The following FSHR variants were observed in gnomAD, a reference collection of about 807,000 sequenced individuals.
FSHR encodes follicle stimulating hormone receptor, also known as follicle-stimulating hormone receptor.
A neutral mutation model predicts 52.1 loss-of-function variants in FSHR; 46 were observed. The ratio of observed to expected loss-of-function variants is 0.88; its 90% CI spans 0.70 to 1.13. The LOEUF is 1.13. FSHR is among the 50% of genes most tolerant of loss of function. The probability of loss-of-function intolerance (pLI) is 0.00; values close to 1 mark genes in which losing one functional copy is unlikely to be tolerated. For missense variants in FSHR, 964 were observed against 834.6 expected, an observed-to-expected ratio of 1.16 and a Z score of -1.91; for synonymous variants, 399 against 309.6, an observed-to-expected ratio of 1.29 and a Z score of -3.03.
chr2:48,970,473 T>G (rs1674694073), intron 8 of FSHR, among the ~76,000 whole-genome samples: 2 of 152,214 alleles, frequency 1.3e-5, no homozygotes, highest in Non-Finnish European at 2.9e-5. Context: ...CCTTGACATA[T>G]TTTCCTCTGA....
chr2:48,968,606 G>C, intron 9 of FSHR, 92 bp downstream of exon 9: 1 of 1,457,098 alleles, frequency 6.9e-7, no homozygotes, highest in South Asian at 1.2e-5. Flanking sequence ...CTCTCTGCAA[G>C]TAGATTCTCT....
At chr2:49,023,484 C>A (rs72827270) in intron 2 of FSHR, among the ~76,000 whole-genome samples, 2,606 of 152,260 alleles carry the variant, frequency 0.017, 38 homozygotes, top group Non-Finnish European at 0.026. Flanking sequence ...TGTCTAAGTC[C>A]AGCAGGTGAC....
intron 1 of FSHR, among the ~76,000 whole-genome samples, chr2:49,121,222 G>A (rs1671807354): frequency 1.3e-5 from 2 of 152,208 alleles, no homozygotes; most frequent in Admixed American, 6.5e-5. Flanking sequence ...GGGCTTCAAA[G>A]TTTGACAACT....
intron 4 of FSHR, among the ~76,000 whole-genome samples, chr2:49,011,326 T>C (rs1667263509): frequency 6.6e-6 from 1 of 152,108 alleles, no homozygotes; most frequent in Non-Finnish European, 1.5e-5. Context: ...AGTTTCCATG[T>C]AGTTGAGTGG....
intron 8 of FSHR, among the ~76,000 whole-genome samples, chr2:48,972,532 T>G (rs1229699012): frequency 1.3e-5 from 2 of 152,224 alleles, no homozygotes; most frequent in Non-Finnish European, 2.9e-5. Flanking sequence ...GAGATCTTTC[T>G]GGTTTCTCTC....
In FSHR at chr2:49,100,397, A is replaced by G. The variant is rs551303627; in HGVS notation, c.153-32107T>C. On this transcript the variant is annotated intron_variant, in intron 1 of 9. Coordinates refer to ENST00000406846, the MANE Select transcript of FSHR (RefSeq NM_000145.4). ...AGTACTTTCTCCTTTGATTTCTTCA[A>G]TTTAAATAAAATAAAATACTCAACT... 1.1e-3 allele frequency among the ~76,000 whole-genome samples: 164 copies of G among 152,314 alleles called. 1 individual carries two copies. Among genetic ancestry groups the G allele is most frequent in the Non-Finnish European group, 2.1e-3 (144 of 68,026 alleles).
chr2:49,039,374 A>G, intron 2 of FSHR, among the ~76,000 whole-genome samples: 1 of 152,198 alleles, frequency 6.6e-6, no homozygotes, highest in Non-Finnish European at 1.5e-5. Context: ...TAATGACAAC[A>G]TATCACAGAG....
At chr2:49,093,910 A>G (rs1247783294) in intron 1 of FSHR, among the ~76,000 whole-genome samples, 2 of 143,494 alleles carry the variant, frequency 1.4e-5, no homozygotes, top group Non-Finnish European at 3.1e-5. Flanking sequence ...GCTTTCTAAA[A>G]CATTATATTT....
intron 1 of FSHR, among the ~76,000 whole-genome samples, chr2:49,098,488 A>T (rs1450446443): frequency 6.6e-6 from 1 of 151,904 alleles, no homozygotes; most frequent in Non-Finnish European, 1.5e-5. Flanking sequence ...GGGAGGAATG[A>T]AAAAAGACAT....
chr2:48,973,777 G>T (rs1370938550), intron 8 of FSHR, among the ~76,000 whole-genome samples: 3 of 152,312 alleles, frequency 2.0e-5, no homozygotes, highest in Admixed American at 2.0e-4. Context: ...GAAGGATTAG[G>T]AAAGGAAATA....
chr2:49,054,744 T>C (rs980438242), intron 2 of FSHR, among the ~76,000 whole-genome samples: 7 of 152,166 alleles, frequency 4.6e-5, no homozygotes, highest in African/African-American at 1.7e-4. Context: ...TCTCTCAGCT[T>C]AGGCTGCTGA....
chr2:49,147,026 T>G (rs943121279), intron 1 of FSHR, among the ~76,000 whole-genome samples: 7 of 152,036 alleles, frequency 4.6e-5, no homozygotes, highest in African/African-American at 1.7e-4. Context: ...AAAGTATAAT[T>G]GAATTCAAGT....
At chr2:49,138,942 G>C (rs1269866842) in intron 1 of FSHR, among the ~76,000 whole-genome samples, 1 of 152,106 alleles carries the variant, frequency 6.6e-6, no homozygotes, top group African/African-American at 2.4e-5. Flanking sequence ...TGGGTGTGTG[G>C]GGTATGAGAT....
chr2:48,995,461 C>A (rs1304778508), intron 4 of FSHR, among the ~76,000 whole-genome samples: 2 of 151,948 alleles, frequency 1.3e-5, no homozygotes, highest in African/African-American at 4.8e-5. Flanking sequence ...TGTGTATATC[C>A]GGACCACACG....
Position 49,013,500 on chromosome 2 carries a change from AAAT to A in FSHR, c.374+3986_374+3988del, listed in dbSNP as rs1667364052. ...TATATAAATAAATATATATATATAT[AAAT>A]ATATATATATATAAATATATATAAA... is the stretch of plus-strand genomic sequence containing the variant. On this transcript the variant is annotated intron_variant, in intron 4 of 9. Coordinates refer to ENST00000406846, the MANE Select transcript of FSHR (RefSeq NM_000145.4). Among the ~76,000 whole-genome samples the A allele has an allele frequency of 2.1e-4, 15 of 71,756 alleles. No homozygotes were observed. The South Asian group carries it at 3.7e-3, about 18-fold the overall frequency. The allele number at this position is 71,756 out of a possible 152,430, so 47.1% of individuals were successfully genotyped here. A position where few individuals can be genotyped will look rare whatever the true frequency, so the allele number is the denominator to read the frequency against.
At chr2:48,965,850 G>A (rs1674455104) in intron 9 of FSHR, among the ~76,000 whole-genome samples, 2 of 152,210 alleles carry the variant, frequency 1.3e-5, no homozygotes, top group Admixed American at 1.3e-4. Flanking sequence ...AACAAAAGTG[G>A]AAACCAAAGG....
chr2:49,024,779 A>G (rs1374756896), intron 2 of FSHR, among the ~76,000 whole-genome samples: 2 of 152,214 alleles, frequency 1.3e-5, no homozygotes, highest in African/African-American at 4.8e-5. Flanking sequence ...ACTCAACTGC[A>G]TTAAAATATT....
intron 4 of FSHR, among the ~76,000 whole-genome samples, chr2:48,994,981 C>A (rs992408349): frequency 6.6e-6 from 1 of 152,126 alleles, no homozygotes; most frequent in Admixed American, 6.5e-5. Context: ...TTGCTGGGAA[C>A]CATTCTTACC....
intron 2 of FSHR, among the ~76,000 whole-genome samples, chr2:49,054,112 T>C (rs906685432): frequency 1.3e-5 from 2 of 152,172 alleles, no homozygotes; most frequent in Non-Finnish European, 2.9e-5. Flanking sequence ...TGTGTTACCT[T>C]GGACAGAGAA....
Sources: allele counts gnomAD v4.1 joint callset (sites outside exome capture counted in the v4.1 genomes callset), GRCh38; gene constraint gnomAD v4.1.1; transcripts MANE v1.5; gene names NCBI Gene and HGNC (gene_info 2026-07-23, HGNC 2026-07-21).